The following NAV3 variants were observed in gnomAD, a reference collection of about 807,000 sequenced individuals.
NAV3 encodes pore membrane and/or filament interacting like protein 1.
Under a neutral mutation model 244.7 loss-of-function variants are expected in NAV3, and 87 were observed. The ratio of observed to expected loss-of-function variants is 0.36; its 90% CI spans 0.30 to 0.42. The LOEUF (loss-of-function observed/expected upper bound fraction) is 0.42. NAV3 is among the 20% of genes least tolerant of loss of function. The pLI, the probability that NAV3 is intolerant of heterozygous loss-of-function variation, is 1.00. For missense variants in NAV3, 2,663 were observed against 2,893.3 expected (o/e 0.92, Z 1.83); for synonymous variants, 1,126 against 1,042.2 (o/e 1.08, Z -1.55).
intron 2 of NAV3, among the ~76,000 whole-genome samples, chr12:77,760,989 T>G (rs1869433148): frequency 6.6e-6 from 1 of 152,202 alleles, no homozygotes; most frequent in Non-Finnish European, 1.5e-5. Context: ...GGAATTCCAC[T>G]GTCTCTCACT....
chr12:78,030,869 G>A (rs1425990412), intron 9 of NAV3, among the ~76,000 whole-genome samples: 2 of 152,080 alleles, frequency 1.3e-5, no homozygotes, highest in African/African-American at 2.4e-5. Context: ...TGAAAATAAT[G>A]GGAAACAAAT....
intron 2 of NAV3, among the ~76,000 whole-genome samples, chr12:77,807,044 A>T (rs1343871734): frequency 6.6e-6 from 1 of 151,784 alleles, no homozygotes; most frequent in Admixed American, 6.6e-5. Context: ...ACATTCCTCC[A>T]TCCATTTGTT....
At chr12:77,930,608 C>T (rs977623938) in intron 1 of NAV3, among the ~76,000 whole-genome samples, 27 of 152,158 alleles carry the variant, frequency 1.8e-4, no homozygotes, top group Non-Finnish European at 1.2e-4. Context: ...AGATCTGTTA[C>T]ATAGCAGTTA....
intron 2 of NAV3, among the ~76,000 whole-genome samples, chr12:77,687,173 G>T (rs567813969): frequency 6.6e-6 from 1 of 151,986 alleles, no homozygotes; most frequent in East Asian, 1.9e-4. Context: ...TATACTATCA[G>T]CCCGGAAAAC....
intron 2 of NAV3, among the ~76,000 whole-genome samples, chr12:77,681,775 T>C (rs550980396): frequency 3.6e-4 from 55 of 152,324 alleles, no homozygotes; most frequent in Non-Finnish European, 6.0e-4. Flanking sequence ...CCAGGATTTC[T>C]CTTTCCAATT....
intron 2 of NAV3, among the ~76,000 whole-genome samples, chr12:77,754,926 A>C (rs1172006106): frequency 1.3e-5 from 2 of 152,228 alleles, no homozygotes; most frequent in Non-Finnish European, 2.9e-5. Flanking sequence ...AAAGAAGAAA[A>C]TAAACTTATA....
intron 8 of NAV3, among the ~76,000 whole-genome samples, chr12:78,007,787 G>T (rs1874502893): frequency 6.6e-6 from 1 of 152,182 alleles, no homozygotes; most frequent in Admixed American, 6.5e-5. Context: ...ACTAGCGGCA[G>T]ACTTTTAAAA....
chr12:78,001,991 T>C (rs544894158), intron 7 of NAV3, among the ~76,000 whole-genome samples: 2 of 152,300 alleles, frequency 1.3e-5, no homozygotes, highest in Admixed American at 6.5e-5. Context: ...TAGACAGATA[T>C]ATGTTCCGAA....
chr12:77,720,306 T>G (rs1177137407), intron 2 of NAV3, among the ~76,000 whole-genome samples: 1 of 152,204 alleles, frequency 6.6e-6, no homozygotes, highest in African/African-American at 2.4e-5. Context: ...TTTCCCAGGC[T>G]GTTCACAGAG....
intron 23 of NAV3, among the ~76,000 whole-genome samples, chr12:78,160,849 C>T (rs1347293798): frequency 6.7e-6 from 1 of 150,104 alleles, no homozygotes; most frequent in Admixed American, 6.6e-5. Flanking sequence ...TTTCTTTCCT[C>T]CCTCCCTCCC....
chr12:78,161,761 G>T (rs2139438061), intron 23 of NAV3, among the ~76,000 whole-genome samples: 1 of 151,962 alleles, frequency 6.6e-6, no homozygotes, highest in East Asian at 1.9e-4. Context: ...AACAATCATG[G>T]TTAACTAGTT....
At chr12:77,855,821 G>T (rs1019847656) in intron 1 of NAV3, among the ~76,000 whole-genome samples, 1 of 152,192 alleles carries the variant, frequency 6.6e-6, no homozygotes, top group Non-Finnish European at 1.5e-5. Flanking sequence ...TTGCAGATAC[G>T]TGAGTGAGCC....
chr12:77,877,647 C>A (rs1347481043), intron 1 of NAV3, among the ~76,000 whole-genome samples: 1 of 152,004 alleles, frequency 6.6e-6, no homozygotes, highest in Admixed American at 6.6e-5. Context: ...TAGACCAATC[C>A]CCCATGCATA....
At chr12:77,718,918 G>T (rs1028474933) in intron 2 of NAV3, among the ~76,000 whole-genome samples, 2 of 152,230 alleles carry the variant, frequency 1.3e-5, no homozygotes, top group African/African-American at 2.4e-5. Flanking sequence ...GCCTCCCAAA[G>T]TGCTGGGATT....
intron 12 of NAV3, among the ~76,000 whole-genome samples, chr12:78,096,899 T>G (rs1954282140): frequency 6.6e-6 from 1 of 152,218 alleles, no homozygotes; most frequent in Admixed American, 6.5e-5. Context: ...CAGTGACCTC[T>G]CTCTGCCTTG....
At chr12:77,902,016 A>C (rs752408917) in intron 1 of NAV3, among the ~76,000 whole-genome samples, 2 of 152,232 alleles carry the variant, frequency 1.3e-5, no homozygotes, top group Non-Finnish European at 2.9e-5. Flanking sequence ...TGATTTTCTC[A>C]AAATTGTCTC....
intron 12 of NAV3, among the ~76,000 whole-genome samples, chr12:78,075,276 T>A (rs562987445): frequency 6.6e-6 from 1 of 152,236 alleles, no homozygotes; most frequent in Non-Finnish European, 1.5e-5. Flanking sequence ...TGATCCCATC[T>A]AAGCCATCGG....
chr12:78,079,636 G>T (rs1048825474), intron 12 of NAV3, among the ~76,000 whole-genome samples: 1 of 152,134 alleles, frequency 6.6e-6, no homozygotes, highest in African/African-American at 2.4e-5. Context: ...TCAGAAATCA[G>T]TTAATTTTTG....
chr12:78,136,199 G>C (rs746192124), intron 18 of NAV3, among the ~76,000 whole-genome samples: 86 of 152,092 alleles, frequency 5.7e-4, no homozygotes, highest in Admixed American at 1.6e-3. Context: ...GATTCCACAG[G>C]GTTTTGAAAA....
Sources: allele counts gnomAD v4.1 joint callset (sites outside exome capture counted in the v4.1 genomes callset), GRCh38; gene constraint gnomAD v4.1.1; transcripts MANE v1.5; gene names NCBI Gene and HGNC (gene_info 2026-07-23, HGNC 2026-07-21).